The following DAGLA variants were observed in gnomAD, a reference collection of about 807,000 sequenced individuals.
DAGLA encodes diacylglycerol lipase alpha.
A neutral mutation model predicts 102.6 loss-of-function variants in DAGLA; 22 were observed. That is an observed-to-expected ratio of 0.21 (90% CI 0.15 to 0.31). The LOEUF is 0.31. DAGLA is among the 10% of genes least tolerant of loss of function. DAGLA has a pLI of 1.00. For missense variants in DAGLA, 927 were observed against 1,446.6 expected (o/e 0.64, Z 5.83); for synonymous variants, 578 against 628.9 (o/e 0.92, Z 1.21).
chr11:61,716,190 C>T (rs1183052596), intron 1 of DAGLA, among the ~76,000 whole-genome samples: 2 of 152,058 alleles, frequency 1.3e-5, no homozygotes, highest in African/African-American at 4.8e-5. Context: ...TACTGTGAGA[C>T]CCTGGCCCCG....
intron 1 of DAGLA, among the ~76,000 whole-genome samples, chr11:61,682,225 A>G (rs2064949103): frequency 1.3e-5 from 2 of 152,198 alleles, no homozygotes. Flanking sequence ...GTAGTAAAGA[A>G]TGAAAGGAAA....
chr11:61,726,566 G>T (rs2065328909), intron 6 of DAGLA, among the ~76,000 whole-genome samples: 1 of 152,228 alleles, frequency 6.6e-6, no homozygotes, highest in Non-Finnish European at 1.5e-5. Flanking sequence ...GGGCCAGCTG[G>T]GGGCGGCCCC....
At chr11:61,729,501 C>G (rs907631829) in intron 8 of DAGLA, among the ~76,000 whole-genome samples, 19 of 152,104 alleles carry the variant, frequency 1.2e-4, no homozygotes, top group African/African-American at 4.6e-4. Context: ...GCCCAGGGCC[C>G]AGTACAGCCC....
At chr11:61,720,022 C>G (rs2065268548) in intron 1 of DAGLA, 90 bp from the exon 2 acceptor site, 1 of 860,036 alleles carries the variant, frequency 1.2e-6, no homozygotes, top group Admixed American at 2.4e-5. Flanking sequence ...TCTGGCCACA[C>G]CGGGGACTGG....
Position 61,720,775 on chromosome 11 carries a change from C to T in DAGLA, c.192C>T (p.Gly64=), listed in dbSNP as rs781212877. The T allele has an allele frequency of 1.9e-6, 3 of 1,613,932 alleles. No homozygotes were observed. Among genetic ancestry groups the T allele is most frequent in the South Asian group, 1.1e-5 (1 of 91,078 alleles). The stretch of plus-strand genomic sequence containing the variant: ...TGGACCACGGCCGCGGCTACCTGGG[C>T]ATCCTGCTGAGCTGCATGATCGCTG... The part of the protein sequence containing the change: ...NLVDHGRGYL[G]ILLSCMIAEM... The change falls in exon 3 of 20, where the codon GGC becomes GGT. Residue 64 remains glycine (G), a synonymous_variant. Coordinates refer to ENST00000257215, the MANE Select transcript of DAGLA (RefSeq NM_006133.3).
chr11:61,701,944 T>TG (rs2065112936), intron 1 of DAGLA, among the ~76,000 whole-genome samples: 2 of 149,116 alleles, frequency 1.3e-5, no homozygotes, highest in African/African-American at 4.9e-5. Context: ...CCAGATAAAT[T>TG]TTTTTTTTTT....
At chr11:61,735,083 G>A (rs1591050809) in intron 10 of DAGLA, 81 bp downstream of exon 10, 13 of 1,510,376 alleles carry the variant, frequency 8.6e-6, no homozygotes, top group East Asian at 2.3e-5. Flanking sequence ...CTTCCAGGCC[G>A]GCAGGAGCCC....
intron 19 of DAGLA, among the ~76,000 whole-genome samples, chr11:61,742,196 A>G (rs1045233674): frequency 3.9e-5 from 6 of 152,226 alleles, no homozygotes; most frequent in Admixed American, 3.3e-4. Flanking sequence ...CGTCTGGTCT[A>G]CACACTCATA....
chr11:61,707,485 C>T (rs1338286446), intron 1 of DAGLA, among the ~76,000 whole-genome samples: 1 of 152,236 alleles, frequency 6.6e-6, no homozygotes, highest in Admixed American at 6.5e-5. Context: ...GCCTCCTGGC[C>T]TATTCCCCCA....
chr11:61,739,436 C>T lies in DAGLA; in HGVS notation c.1657-29C>T, dbSNP rs201898024. Reference sequence around the variant, plus strand: ...CCCAGCCAGTGCTACTTAGCTCTGTCCCCATCTCTCCCACTCCACCCCGCG... The same window carrying T: ...CCCAGCCAGTGCTACTTAGCTCTGTTCCCATCTCTCCCACTCCACCCCGCG... On this transcript the variant is annotated intron_variant, in intron 16 of 19. Transcript: ENST00000257215. 12 of 1,579,560 alleles carry T rather than the reference C, an allele frequency of 7.6e-6. No individual in the cohort carries two copies. The Admixed American group carries it at 2.0e-4, about 27-fold the overall frequency.
intron 1 of DAGLA, among the ~76,000 whole-genome samples, chr11:61,695,415 A>G (rs980268222): frequency 6.6e-6 from 1 of 152,194 alleles, no homozygotes; most frequent in Non-Finnish European, 1.5e-5. Context: ...GGCATCCTCG[A>G]GTTCATGTCC....
chr11:61,708,486 TTC>T (rs1193657562), intron 1 of DAGLA, among the ~76,000 whole-genome samples: 1 of 152,260 alleles, frequency 6.6e-6, no homozygotes, highest in East Asian at 1.9e-4. Context: ...GTTCACACCA[TTC>T]TCCTGCCTCA....
intron 1 of DAGLA, among the ~76,000 whole-genome samples, chr11:61,712,368 C>T (rs1256410986): frequency 6.6e-6 from 1 of 152,178 alleles, no homozygotes; most frequent in Non-Finnish European, 1.5e-5. Context: ...GAGGAGGTGC[C>T]TCCTCTGGTC....
Position 61,736,296 on chromosome 11 carries a change from C to G in DAGLA, c.1317C>G (p.Ile439Met). The change falls in exon 13 of 20, where the codon ATC becomes ATG. Residue 439 changes from isoleucine (I) to methionine (M), a missense_variant. Physicochemically the swap from Ile to Met is conservative, Grantham distance 10. This residue lies in a region of DAGLA where 218 missense variants were observed against 459.6 expected (regional missense o/e 0.47). Transcript: ENST00000257215. ...HKGMVLSAEY[I>M]KKKLEQEMVL... ...GTATGGTCCTCTCAGCTGAGTACAT[C>G]AAGAAGAAACTGGAGCAGGAGATGG... 1.2e-6 allele frequency: 2 copies of G among 1,614,134 alleles called. No homozygotes were observed. The highest frequency in any genetic ancestry group is 1.7e-6 in the Non-Finnish European group (2 of 1,180,004).
At chr11:61,742,615 A>G (rs1487110156) in intron 19 of DAGLA, among the ~76,000 whole-genome samples, 1 of 152,182 alleles carries the variant, frequency 6.6e-6, no homozygotes, top group African/African-American at 2.4e-5. Context: ...GCTGCGGCCC[A>G]TGGGAGACAG....
chr11:61,690,950 G>C (rs1223217612), intron 1 of DAGLA, among the ~76,000 whole-genome samples: 1 of 152,100 alleles, frequency 6.6e-6, no homozygotes, highest in Admixed American at 6.5e-5. Flanking sequence ...CCTGTACCTC[G>C]CCGGCCGTGG....
intron 1 of DAGLA, among the ~76,000 whole-genome samples, chr11:61,690,850 A>G (rs1328608780): frequency 6.6e-6 from 1 of 152,202 alleles, no homozygotes; most frequent in Non-Finnish European, 1.5e-5. Context: ...CCCCGCTCCC[A>G]GGAAGCCCTC....
At chr11:61,698,884 G>A (rs2065087736) in intron 1 of DAGLA, among the ~76,000 whole-genome samples, 2 of 152,212 alleles carry the variant, frequency 1.3e-5, no homozygotes, top group Admixed American at 1.3e-4. Context: ...AGGAGGTTGT[G>A]TTTAGGCTGA....
intron 9 of DAGLA, among the ~76,000 whole-genome samples, chr11:61,732,268 C>T (rs1024906149): frequency 1.3e-5 from 2 of 152,216 alleles, no homozygotes; most frequent in African/African-American, 4.8e-5. Flanking sequence ...GCCACACCCA[C>T]TCTGCAGCGC....
Sources: allele counts gnomAD v4.1 joint callset (sites outside exome capture counted in the v4.1 genomes callset), GRCh38; gene constraint gnomAD v4.1.1; regional missense constraint gnomAD v4.1.1; transcripts MANE v1.5; gene names NCBI Gene and HGNC (gene_info 2026-07-23, HGNC 2026-07-21).